The following WWOX variants were observed in gnomAD, a reference collection of about 807,000 sequenced individuals.
WWOX encodes WW domain-containing oxidoreductase.
Under a neutral mutation model 46.2 loss-of-function variants are expected in WWOX, and 69 were observed. The observed-to-expected ratio is 1.49, with a 90% CI of 1.23 to 1.82. The LOEUF is 1.82. Among genes scored for constraint, WWOX ranks in the 40% most tolerant of loss-of-function variants. WWOX has a pLI of 0.00. For missense variants in WWOX, 919 were observed against 542.6 expected, an observed-to-expected ratio of 1.69 and a Z score of -6.89; for synonymous variants, 359 against 202.6, an observed-to-expected ratio of 1.77 and a Z score of -6.56.
chr16:78,520,249 C>T (rs957257900), intron 8 of WWOX, among the ~76,000 whole-genome samples: 5 of 152,084 alleles, frequency 3.3e-5, no homozygotes, highest in Admixed American at 1.3e-4. Flanking sequence ...TGATGGATTA[C>T]GGTGAAGAGA....
At chr16:78,884,746 C>T (rs1197109443) in intron 8 of WWOX, among the ~76,000 whole-genome samples, 2 of 152,102 alleles carry the variant, frequency 1.3e-5, no homozygotes, top group Non-Finnish European at 2.9e-5. Context: ...TGGGTGTGTT[C>T]AGTTTATGAA....
In WWOX at chr16:78,144,488, C is replaced by CACACATATATATATATATAT. The variant is rs1567596485; in HGVS notation, c.410-19690_410-19689insTATATATATATATATACACA. 3.5e-3 allele frequency among the ~76,000 whole-genome samples: 24 copies of CACACATATATATATATATAT among 6,810 alleles called. 2 individuals are homozygous for CACACATATATATATATATAT. The highest frequency in any genetic ancestry group is 0.02 in the East Asian group (4 of 198). 4.5% of individuals were successfully genotyped at this position (6,810 alleles called of 152,430 possible). The stretch of plus-strand genomic sequence containing the variant: ...ACACACATATATATATATATATATA[C>CACACATATATATATATATAT]ACACACACACACATATATATATATA... On this transcript the variant is annotated intron_variant, in intron 4 of 8. Transcript: ENST00000566780.
At chr16:78,119,891 AG>A (rs2033002102) in intron 4 of WWOX, among the ~76,000 whole-genome samples, 1 of 152,190 alleles carries the variant, frequency 6.6e-6, no homozygotes, top group African/African-American at 2.4e-5. Flanking sequence ...AATTTTTTTC[AG>A]AGTTTGGTCC....
intron 4 of WWOX, among the ~76,000 whole-genome samples, chr16:78,121,974 T>G (rs573354921): frequency 1.3e-5 from 2 of 152,294 alleles, no homozygotes; most frequent in South Asian, 4.1e-4. Flanking sequence ...GTTTCACTTT[T>G]TGAGGTTTCA....
chr16:78,352,141 T>C (rs13339096), intron 5 of WWOX, among the ~76,000 whole-genome samples: 23,030 of 152,226 alleles, frequency 0.15, 2,304 homozygotes, highest in East Asian at 0.38. Context: ...ATTGTGAAAA[T>C]GTGAGCATAT....
chr16:78,172,967 G>A (rs961318444), intron 5 of WWOX, among the ~76,000 whole-genome samples: 1 of 152,138 alleles, frequency 6.6e-6, no homozygotes, highest in African/African-American at 2.4e-5. Flanking sequence ...TTTATTGTGG[G>A]ACATTTAGAG....
chr16:78,510,961 C>T (rs1341593152), intron 8 of WWOX, among the ~76,000 whole-genome samples: 1 of 152,212 alleles, frequency 6.6e-6, no homozygotes, highest in Non-Finnish European at 1.5e-5. Context: ...TCTGATATCA[C>T]CATTGAGGGG....
At chr16:78,330,583 G>C (rs1408266612) in intron 5 of WWOX, among the ~76,000 whole-genome samples, 2 of 152,170 alleles carry the variant, frequency 1.3e-5, no homozygotes, top group African/African-American at 4.8e-5. Context: ...TTTTAGTGGA[G>C]ACGAGGTTTC....
chr16:78,548,828 A>G lies in WWOX; in HGVS notation c.1056+116076A>G, dbSNP rs147125793. Among the ~76,000 whole-genome samples, 305 of 152,296 alleles carry G rather than the reference A, an allele frequency of 2.0e-3. 1 individual carries two copies. Among genetic ancestry groups the G allele is most frequent in the Non-Finnish European group, 3.5e-3 (239 of 68,024 alleles). On this transcript the variant is annotated intron_variant, in intron 8 of 8. Transcript: ENST00000566780. ...ATTTCAATATTTGCCTTTTGGCTGC[A>G]GCCCGTTAACTGGTCACATGCTGTA...
intron 8 of WWOX, among the ~76,000 whole-genome samples, chr16:79,091,545 T>A (rs2048960297): frequency 6.6e-6 from 1 of 152,116 alleles, no homozygotes; most frequent in Non-Finnish European, 1.5e-5. Context: ...GCAGTCATCT[T>A]GGAGAGAGGG....
chr16:79,019,401 G>C (rs1031746535), intron 8 of WWOX, among the ~76,000 whole-genome samples: 1 of 151,974 alleles, frequency 6.6e-6, no homozygotes, highest in Non-Finnish European at 1.5e-5. Flanking sequence ...CGTGTGATTG[G>C]GCTGCGTACT....
intron 8 of WWOX, among the ~76,000 whole-genome samples, chr16:78,662,183 G>A (rs1181207922): frequency 6.6e-6 from 1 of 152,130 alleles, no homozygotes; most frequent in African/African-American, 2.4e-5. Context: ...GCTACTCTGA[G>A]GATGAATTGC....
chr16:78,701,531 C>T (rs918555536), intron 8 of WWOX, among the ~76,000 whole-genome samples: 17 of 152,126 alleles, frequency 1.1e-4, no homozygotes, highest in African/African-American at 4.1e-4. Context: ...CCTGTCTCTA[C>T]TCCCTCTCCC....
At chr16:78,430,520 C>T (rs1360837777) in intron 7 of WWOX, among the ~76,000 whole-genome samples, 2 of 152,238 alleles carry the variant, frequency 1.3e-5, no homozygotes, top group South Asian at 2.1e-4. Context: ...TTGAGCAATA[C>T]ATCATGTGCA....
chr16:78,760,395 T>G lies in WWOX; in HGVS notation c.1056+327643T>G, dbSNP rs115957674. Among the ~76,000 whole-genome samples the G allele has an allele frequency of 8.5e-3, 1,287 of 152,224 alleles. 16 individuals carry two copies. The highest frequency in any genetic ancestry group is 0.029 in the African/African-American group (1,218 of 41,512). On this transcript the variant is annotated intron_variant, in intron 8 of 8. Coordinates refer to ENST00000566780, the MANE Select transcript of WWOX (RefSeq NM_016373.4). ...CAGCCAAACCATATCACAGGATAGT[T>G]CCCCATATCAAGGTCCTTAACTTAA...
At position 78,235,311 on chromosome 16, in the gene WWOX, T is replaced by C. The variant is rs182810482; in HGVS notation, c.516+71022T>C. Among the ~76,000 whole-genome samples, 84 of 152,298 alleles carry C rather than the reference T, an allele frequency of 5.5e-4. No individual in the cohort carries two copies. In the East Asian group the frequency reaches 0.016, roughly 29 times the overall value. On this transcript the variant is annotated intron_variant, in intron 5 of 8. Transcript: ENST00000566780. ...ATGTTCTTCTTTTGGAGAGGATGTG[T>C]CACTTTGCCAATCTTGGTCCTTGCT...
At chr16:78,625,996 T>C (rs567883773) in intron 8 of WWOX, among the ~76,000 whole-genome samples, 1 of 151,910 alleles carries the variant, frequency 6.6e-6, no homozygotes, top group Admixed American at 6.6e-5. Flanking sequence ...CCTAATATTG[T>C]TATTACTTTT....
intron 8 of WWOX, among the ~76,000 whole-genome samples, chr16:78,933,474 C>G (rs1389306684): frequency 1.3e-5 from 2 of 152,166 alleles, no homozygotes; most frequent in African/African-American, 4.8e-5. Flanking sequence ...AAGATGTTGA[C>G]ATAACAGTTC....
At chr16:78,873,722 A>C (rs2044175701) in intron 8 of WWOX, among the ~76,000 whole-genome samples, 1 of 152,118 alleles carries the variant, frequency 6.6e-6, no homozygotes, top group Non-Finnish European at 1.5e-5. Flanking sequence ...CCGGAAGTTC[A>C]AGGCTGCAGA....
Sources: gnomAD v4.1 joint callset for allele counts (sites outside exome capture counted in the v4.1 genomes callset) on GRCh38, gnomAD v4.1.1 for gene constraint, MANE v1.5 for transcripts, NCBI Gene and HGNC (gene_info 2026-07-23, HGNC 2026-07-21) for gene names.